Variants in GPC6 observed in about 807,000 individuals in gnomAD.
GPC6 encodes the protein glypican-6.
In GPC6, 14 loss-of-function variants were observed where a neutral mutation model predicts 55.2. The ratio of observed to expected loss-of-function variants is 0.25; its 90% CI spans 0.17 to 0.40. GPC6 has a LOEUF of 0.40. Ranked by LOEUF, GPC6 falls within the 10% of genes least tolerant of loss-of-function variation. The pLI is 1.00. For missense variants in GPC6, 641 were observed against 708.5 expected, an observed-to-expected ratio of 0.90 and a Z score of 1.08; for synonymous variants, 278 against 259.6, an observed-to-expected ratio of 1.07 and a Z score of -0.68.
At chr13:94,346,627 C>A (rs1594191897) in intron 6 of GPC6, among the ~76,000 whole-genome samples, 1 of 150,544 alleles carries the variant, frequency 6.6e-6, no homozygotes, top group East Asian at 2.0e-4. Flanking sequence ...AAGGCTGAGG[C>A]AGGGAATTGC....
At chr13:94,349,537 T>C (rs903824172) in intron 6 of GPC6, among the ~76,000 whole-genome samples, 5 of 152,228 alleles carry the variant, frequency 3.3e-5, no homozygotes, top group Non-Finnish European at 5.9e-5. Flanking sequence ...TCAATGTCTC[T>C]ATAATCTATC....
chr13:93,539,732 T>C (rs951455663), intron 1 of GPC6, among the ~76,000 whole-genome samples: 2 of 150,696 alleles, frequency 1.3e-5, no homozygotes, highest in Non-Finnish European at 3.0e-5. Context: ...GCTCTTGTTG[T>C]CCAGGCTAGA....
At chr13:94,036,019 C>A (rs1039783768) in intron 4 of GPC6, among the ~76,000 whole-genome samples, 3 of 151,912 alleles carry the variant, frequency 2.0e-5, no homozygotes, top group Non-Finnish European at 4.4e-5. Flanking sequence ...CTCTAAGGAA[C>A]CAGGGGTGGA....
chr13:93,732,016 GAATA>G lies in GPC6; in HGVS notation c.320-98133_320-98130del, dbSNP rs556748696. Among the ~76,000 whole-genome samples, 424 of 152,152 alleles carry G rather than the reference GAATA, an allele frequency of 2.8e-3. 1 individual carries two copies. The highest frequency in any genetic ancestry group is 5.0e-3 in the Non-Finnish European group (338 of 67,988). ...GTGACTGATAAATGCAAAAATGAAAGAATAAATAGCATATGCCTTCATCCACTCG... is the reference window on the plus strand; with the variant it reads ...GTGACTGATAAATGCAAAAATGAAAGAATAGCATATGCCTTCATCCACTCG... On this transcript the variant is annotated intron_variant, in intron 2 of 8. Coordinates refer to ENST00000377047, the MANE Select transcript of GPC6 (RefSeq NM_005708.5).
In GPC6 at chr13:94,181,484, A is replaced by G. The variant is rs1432032343; in HGVS notation, c.878-104865A>G. On this transcript the variant is annotated intron_variant, in intron 4 of 8. Coordinates refer to ENST00000377047, the MANE Select transcript of GPC6 (RefSeq NM_005708.5). ...TGTGGAGATTTTATTTATTTTTCAT[A>G]AAGAATCAAATATTTAGAGCTAACA... Among the ~76,000 whole-genome samples the G allele has an allele frequency of 2.6e-5, 4 of 152,244 alleles. No homozygotes were observed. The South Asian group carries it at 6.2e-4, about 24-fold the overall frequency.
intron 2 of GPC6, among the ~76,000 whole-genome samples, chr13:93,640,730 TCCC>T (rs1316043732): frequency 2.4e-4 from 1 of 4,182 alleles, no homozygotes; most frequent in Non-Finnish European, 9.9e-4. Context: ...CCACTTTCCT[TCCC>T]TCCCTCCTCC....
intron 5 of GPC6, among the ~76,000 whole-genome samples, chr13:94,288,517 C>G (rs2139087319): frequency 6.6e-6 from 1 of 151,570 alleles, no homozygotes; most frequent in African/African-American, 2.4e-5. Flanking sequence ...CATTATCTGG[C>G]CCCTGCCTAC....
intron 3 of GPC6, among the ~76,000 whole-genome samples, chr13:94,008,550 G>C (rs905505367): frequency 6.6e-6 from 1 of 152,096 alleles, no homozygotes; most frequent in Non-Finnish European, 1.5e-5. Context: ...TACTTGGGAG[G>C]CTGAGGCAGG....
intron 3 of GPC6, among the ~76,000 whole-genome samples, chr13:93,911,609 A>G (rs1024660697): frequency 2.0e-5 from 3 of 152,206 alleles, no homozygotes; most frequent in East Asian, 1.9e-4. Context: ...CAGCTCAACC[A>G]AAAAAGGAAA....
At chr13:93,469,647 G>T (rs1879039187) in intron 1 of GPC6, among the ~76,000 whole-genome samples, 1 of 152,060 alleles carries the variant, frequency 6.6e-6, no homozygotes, top group Non-Finnish European at 1.5e-5. Context: ...GCTTTCTGTG[G>T]GTCATGCTTT....
intron 2 of GPC6, among the ~76,000 whole-genome samples, chr13:93,775,523 G>GA (rs1420157172): frequency 1.3e-5 from 2 of 152,160 alleles, no homozygotes; most frequent in Non-Finnish European, 2.9e-5. Context: ...GTGAGCTTCT[G>GA]AAAACTAAGT....
intron 2 of GPC6, among the ~76,000 whole-genome samples, chr13:93,738,469 C>T (rs1884078560): frequency 6.6e-6 from 1 of 152,172 alleles, no homozygotes; most frequent in South Asian, 2.1e-4. Context: ...TTTCAGACTA[C>T]AGCTTCACAT....
intron 2 of GPC6, among the ~76,000 whole-genome samples, chr13:93,827,006 G>A (rs1251964090): frequency 6.6e-6 from 1 of 152,288 alleles, no homozygotes; most frequent in South Asian, 2.1e-4. Context: ...ATGCTGGCTA[G>A]GAAAGGTTTT....
chr13:94,280,560 T>G (rs1429607898), intron 4 of GPC6, among the ~76,000 whole-genome samples: 1 of 152,256 alleles, frequency 6.6e-6, no homozygotes, highest in Non-Finnish European at 1.5e-5. Context: ...GTTACATTCA[T>G]GCCATGGGCA....
At chr13:93,994,602 G>A (rs9561483) in intron 3 of GPC6, among the ~76,000 whole-genome samples, 1 of 152,258 alleles carries the variant, frequency 6.6e-6, no homozygotes, top group East Asian at 1.9e-4. Context: ...TCCATTAACA[G>A]CCCCACAAGC....
chr13:94,168,886 G>A (rs1466884533), intron 4 of GPC6, among the ~76,000 whole-genome samples: 1 of 152,006 alleles, frequency 6.6e-6, no homozygotes, highest in Non-Finnish European at 1.5e-5. Flanking sequence ...GTAGGCCCTG[G>A]TGAAGACTGG....
At chr13:93,925,949 C>T (rs1385495293) in intron 3 of GPC6, among the ~76,000 whole-genome samples, 2 of 152,150 alleles carry the variant, frequency 1.3e-5, no homozygotes, top group Non-Finnish European at 2.9e-5. Context: ...TTGAAGGCTG[C>T]CAGTCATCTC....
chr13:94,037,763 CTG>C (rs1386770945), intron 4 of GPC6, among the ~76,000 whole-genome samples: 1 of 151,860 alleles, frequency 6.6e-6, no homozygotes, highest in Non-Finnish European at 1.5e-5. Flanking sequence ...TAGGAAGTAA[CTG>C]TTAATCTGTG....
intron 3 of GPC6, among the ~76,000 whole-genome samples, chr13:93,865,592 G>T (rs1404617506): frequency 6.6e-6 from 1 of 151,666 alleles, no homozygotes; most frequent in African/African-American, 2.4e-5. Context: ...CTGCTACCCT[G>T]TGTCATCCTT....
Sources: gnomAD v4.1 joint callset for allele counts (sites outside exome capture counted in the v4.1 genomes callset) on GRCh38, gnomAD v4.1.1 for gene constraint, MANE v1.5 for transcripts, NCBI Gene and HGNC (gene_info 2026-07-23, HGNC 2026-07-21) for gene names.